The following KIAA0825 variants were observed in gnomAD, a reference collection of about 807,000 sequenced individuals.
The protein encoded by KIAA0825 is uncharacterized protein KIAA0825.
KIAA0825 carries 119 observed loss-of-function variants against 147.6 expected under a neutral mutation model. That is an observed-to-expected ratio of 0.81 (90% CI 0.69 to 0.94). The LOEUF (loss-of-function observed/expected upper bound fraction) is 0.94. Ranked by LOEUF, KIAA0825 falls within the 40% of genes least tolerant of loss-of-function variation. The pLI, the probability that KIAA0825 is intolerant of heterozygous loss-of-function variation, is 0.00. For synonymous variants in KIAA0825, 470 were observed against 518.1 expected, an observed-to-expected ratio of 0.91 and a Z score of 1.26; for missense variants, 1,381 against 1,472.7, an observed-to-expected ratio of 0.94 and a Z score of 1.02.
chr5:94,176,400 T>C (rs1769107106), intron 20 of KIAA0825, among the ~76,000 whole-genome samples: 1 of 152,116 alleles, frequency 6.6e-6, no homozygotes, highest in Non-Finnish European at 1.5e-5. Context: ...GAAACCTCTT[T>C]TCTTTGTAAA....
chr5:94,345,293 C>T (rs1264537338), intron 20 of KIAA0825, among the ~76,000 whole-genome samples: 7 of 152,096 alleles, frequency 4.6e-5, no homozygotes, highest in Non-Finnish European at 1.0e-4. Flanking sequence ...TTTTGTGTCA[C>T]TACTGCTTGA....
At chr5:94,219,323 G>A (rs1223281338) in intron 20 of KIAA0825, among the ~76,000 whole-genome samples, 5 of 151,980 alleles carry the variant, frequency 3.3e-5, no homozygotes, top group Non-Finnish European at 7.4e-5. Context: ...TAATGTTGCC[G>A]CTGATCTGAG....
At chr5:94,324,623 C>G (rs1780506494) in intron 20 of KIAA0825, among the ~76,000 whole-genome samples, 1 of 151,742 alleles carries the variant, frequency 6.6e-6, no homozygotes, top group Non-Finnish European at 1.5e-5. Flanking sequence ...TCCTGTTTTC[C>G]CCTTACTACA....
intron 20 of KIAA0825, among the ~76,000 whole-genome samples, chr5:94,374,820 TTCC>T (rs986778331): frequency 1.7e-4 from 26 of 152,112 alleles, no homozygotes; most frequent in African/African-American, 6.3e-4. Flanking sequence ...CTATTCCTAC[TTCC>T]TCCTCTTAAT....
chr5:94,259,462 G>A (rs560202238), intron 20 of KIAA0825, among the ~76,000 whole-genome samples: 3 of 152,052 alleles, frequency 2.0e-5, no homozygotes, highest in African/African-American at 7.2e-5. Flanking sequence ...ACAGTGTATT[G>A]TGTAACACTA....
intron 20 of KIAA0825, among the ~76,000 whole-genome samples, chr5:94,249,488 T>C (rs1775825320): frequency 1.3e-5 from 2 of 152,116 alleles, no homozygotes; most frequent in Admixed American, 1.3e-4. Flanking sequence ...TTCATGGTAG[T>C]GACAGCAGAG....
At chr5:94,361,547 C>A (rs1216381659) in intron 20 of KIAA0825, among the ~76,000 whole-genome samples, 1 of 152,162 alleles carries the variant, frequency 6.6e-6, no homozygotes, top group Non-Finnish European at 1.5e-5. Flanking sequence ...AGCAAATATT[C>A]TTCCTTGTAG....
chr5:94,527,963 TAAAAGAATATTTAA>T (rs1224584909), intron 3 of KIAA0825, among the ~76,000 whole-genome samples: 8 of 151,988 alleles, frequency 5.3e-5, no homozygotes. Flanking sequence ...TAATATTTTT[TAAAAGAATATTTAA>T]AAAAGAATAG....
At chr5:94,458,942 C>T (rs1057102348) in intron 12 of KIAA0825, among the ~76,000 whole-genome samples, 4 of 152,022 alleles carry the variant, frequency 2.6e-5, no homozygotes, top group Admixed American at 2.6e-4. Flanking sequence ...ATTTTATTCC[C>T]AAACGAAACC....
chr5:94,245,824 C>A (rs1225545967), intron 20 of KIAA0825, among the ~76,000 whole-genome samples: 1 of 152,118 alleles, frequency 6.6e-6, no homozygotes, highest in African/African-American at 2.4e-5. Context: ...ACAATTCTTA[C>A]CATTGGCTTG....
At chr5:94,583,052 C>T (rs550613230) in intron 1 of KIAA0825, among the ~76,000 whole-genome samples, 71 of 152,170 alleles carry the variant, frequency 4.7e-4, no homozygotes, top group Non-Finnish European at 6.9e-4. Context: ...GGGGGAGGCG[C>T]TTCCAAGATG....
chr5:94,552,688 T>G (rs1256625958), intron 2 of KIAA0825, among the ~76,000 whole-genome samples: 1 of 152,176 alleles, frequency 6.6e-6, no homozygotes, highest in Admixed American at 6.5e-5. Flanking sequence ...TGAAGAAAAT[T>G]TAAGTTTCTT....
chr5:94,457,819 T>C (rs1169321494), intron 12 of KIAA0825, among the ~76,000 whole-genome samples: 6 of 152,130 alleles, frequency 3.9e-5, no homozygotes, highest in Non-Finnish European at 1.5e-5. Context: ...GAGAAACGGG[T>C]CTCATAATAC....
chr5:94,418,271 G>A (rs1170321989), intron 14 of KIAA0825, among the ~76,000 whole-genome samples: 2 of 151,916 alleles, frequency 1.3e-5, no homozygotes. Context: ...TTTTTTTCCT[G>A]TGATTTGATT....
chr5:94,560,061 T>C (rs1418959002), intron 2 of KIAA0825, among the ~76,000 whole-genome samples: 1 of 152,186 alleles, frequency 6.6e-6, no homozygotes, highest in Non-Finnish European at 1.5e-5. Context: ...TGAGGGCTGC[T>C]TCCTGTGAGG....
chr5:94,472,934 T>C (rs1449211364), intron 8 of KIAA0825, among the ~76,000 whole-genome samples: 1 of 152,154 alleles, frequency 6.6e-6, no homozygotes, highest in East Asian at 1.9e-4. Context: ...GAAGATTTTT[T>C]TAAGTGCCCA....
Position 94,550,078 on chromosome 5 carries a change from G to A in KIAA0825, c.-1-12951C>T, listed in dbSNP as rs114058410. Among the ~76,000 whole-genome samples, 728 of 152,190 alleles carry A rather than the reference G, an allele frequency of 4.8e-3. 5 individuals are homozygous for A. The highest frequency in any genetic ancestry group is 0.016 in the African/African-American group (667 of 41,490). On this transcript the variant is annotated intron_variant, in intron 2 of 20. Coordinates refer to ENST00000682413, the MANE Select transcript of KIAA0825 (RefSeq NM_001145678.3). Reference sequence around the variant, plus strand: ...GTACTCTTCAGCCATAAAAAAGAACGAGATCCTGTCATTTGCAACAACATG... The same window carrying A: ...GTACTCTTCAGCCATAAAAAAGAACAAGATCCTGTCATTTGCAACAACATG...
chr5:94,480,401 G>C (rs767082480), intron 6 of KIAA0825, among the ~76,000 whole-genome samples: 1 of 151,934 alleles, frequency 6.6e-6, no homozygotes, highest in Non-Finnish European at 1.5e-5. Context: ...CAGTTTTTTA[G>C]AACAGAAAAA....
intron 20 of KIAA0825, among the ~76,000 whole-genome samples, chr5:94,347,649 C>A (rs1448592671): frequency 2.6e-5 from 4 of 152,176 alleles, no homozygotes; most frequent in African/African-American, 9.7e-5. Context: ...AGAAACTGAA[C>A]AACATCCTTC....
Sources: gnomAD v4.1 joint callset for allele counts (sites outside exome capture counted in the v4.1 genomes callset) on GRCh38, gnomAD v4.1.1 for gene constraint, MANE v1.5 for transcripts, NCBI Gene and HGNC (gene_info 2026-07-23, HGNC 2026-07-21) for gene names.